CUL4A: variants seen among roughly 807,000 people sequenced by gnomAD.
CUL4A encodes the protein cullin-4A.
A neutral mutation model predicts 95.5 loss-of-function variants in CUL4A; 16 were observed. The observed-to-expected ratio is 0.17, with a 90% CI of 0.11 to 0.25. CUL4A has a LOEUF of 0.25. Ranked by LOEUF, CUL4A falls within the 10% of genes least tolerant of loss-of-function variation. The pLI is 1.00. For missense variants in CUL4A, 610 were observed against 937.0 expected (o/e 0.65, Z 4.56); for synonymous variants, 380 against 353.1 (o/e 1.08, Z -0.85).
chr13:113,220,673 C>T (rs7322352), intron 3 of CUL4A, among the ~76,000 whole-genome samples: 2,524 of 152,238 alleles, frequency 0.017, 66 homozygotes, highest in African/African-American at 0.057. Context: ...TACTTGAAAA[C>T]GACTATCTGA....
At chr13:113,242,739 T>C (rs1272803535) in intron 10 of CUL4A, among the ~76,000 whole-genome samples, 1 of 152,154 alleles carries the variant, frequency 6.6e-6, no homozygotes, top group East Asian at 1.9e-4. Context: ...TGAACCGTGA[T>C]TGCACCACCG....
At position 113,260,662 on chromosome 13, in the gene CUL4A, T is replaced by C; in HGVS notation, c.2087T>C (p.Ile696Thr). The change falls in exon 19 of 20, where the codon ATT (isoleucine) becomes ACT (threonine). Residue 696 changes from isoleucine to threonine, a missense_variant. By Grantham distance (89) the Ile-to-Thr change is moderately conservative (BLOSUM62 -1). Around this residue, in one of 10 missense-constraint regions of CUL4A, gnomAD observed 28 missense variants for 86.4 expected, o/e 0.32. Coordinates refer to ENST00000375440, the MANE Select transcript of CUL4A (RefSeq NM_001008895.4). Reference protein sequence around the residue: ...ERVFQDRQYQIDAAIVRIMKM... With the variant: ...ERVFQDRQYQTDAAIVRIMKM... ...GTGTTTCAGGATAGACAATATCAGA[T>C]TGATGCTGCTATCGTCAGAATAATG... 1 of 1,612,448 alleles carries C rather than the reference T, an allele frequency of 6.2e-7. No homozygotes were observed. Among genetic ancestry groups the C allele is most frequent in the Non-Finnish European group, 8.5e-7 (1 of 1,178,846 alleles).
At chr13:113,246,623 A>C (rs1241644815) in intron 15 of CUL4A, among the ~76,000 whole-genome samples, 1 of 152,214 alleles carries the variant, frequency 6.6e-6, no homozygotes, top group Non-Finnish European at 1.5e-5. Flanking sequence ...CCTGATATCA[A>C]GTAAAGATGA....
At position 113,263,852 on chromosome 13, in the gene CUL4A, A is replaced by G; in HGVS notation, c.*270A>G. On this transcript the variant is annotated 3_prime_UTR_variant, in exon 20 of 20. Coordinates refer to ENST00000375440, the MANE Select transcript of CUL4A (RefSeq NM_001008895.4). ...AATAACTTTGAGATTGGACAAGAAG[A>G]TGTTACTAAAGAGAAGTTCCTTTAA... is the stretch of plus-strand genomic sequence containing the variant. 2 of 300,826 alleles carry G rather than the reference A, an allele frequency of 6.6e-6. No individual in the cohort carries two copies. The highest frequency in any genetic ancestry group is 1.4e-4 in the South Asian group (1 of 7,128). The allele number at this position is 300,826 out of a possible 1,614,324, so 18.6% of individuals were successfully genotyped here. A position where few individuals can be genotyped will look rare whatever the true frequency, so the allele number is the denominator to read the frequency against.
At chr13:113,229,651 T>C in intron 5 of CUL4A, 132 bp downstream of exon 5, 1 of 736,070 alleles carries the variant, frequency 1.4e-6, no homozygotes, top group South Asian at 1.7e-5. Context: ...GCCAAAATCA[T>C]TAACGTGAAC....
At position 113,260,702 on chromosome 13, in the gene CUL4A, T is replaced by C. The variant is rs761285158; in HGVS notation, c.2127T>C (p.Thr709=). ...AIVRIMKMRK[T]LGHNLLVSEL... is the part of the protein sequence containing the mutation. ...TCAGAATAATGAAGATGAGAAAGAC[T>C]CTTGGTCATAATCTTCTAGTTTCTG... Residue 709 remains threonine, a synonymous_variant, in exon 19 of 20, where the codon ACT becomes ACC. Coordinates refer to ENST00000375440, the MANE Select transcript of CUL4A (RefSeq NM_001008895.4). 5 of 1,609,470 alleles carry C rather than the reference T, an allele frequency of 3.1e-6. No individual in the cohort carries two copies. The highest frequency in any genetic ancestry group is 4.2e-6 in the Non-Finnish European group (5 of 1,177,552).
At chr13:113,253,406 GA>G (rs1322330054) in intron 16 of CUL4A, among the ~76,000 whole-genome samples, 1 of 151,700 alleles carries the variant, frequency 6.6e-6, no homozygotes, top group African/African-American at 2.4e-5. Flanking sequence ...TTTACCTATT[GA>G]AAAAAAGAGC....
chr13:113,238,024 G>A (rs2041600564), intron 9 of CUL4A, among the ~76,000 whole-genome samples: 1 of 152,200 alleles, frequency 6.6e-6, no homozygotes, highest in Non-Finnish European at 1.5e-5. Context: ...AGAGTCACGG[G>A]TCCAATCTGG....
chr13:113,234,224 C>A (rs1018618227), intron 7 of CUL4A, among the ~76,000 whole-genome samples: 3 of 152,076 alleles, frequency 2.0e-5, no homozygotes, highest in Non-Finnish European at 4.4e-5. Context: ...GCTGTAAGAT[C>A]ATTTCTGAAA....
At chr13:113,235,770 A>G (rs762737499) in intron 8 of CUL4A, among the ~76,000 whole-genome samples, 5 of 152,134 alleles carry the variant, frequency 3.3e-5, no homozygotes, top group African/African-American at 4.8e-5. Context: ...GGAGATCGAG[A>G]CCATCCTGAC....
chr13:113,240,160 C>G (rs560382131), intron 10 of CUL4A, among the ~76,000 whole-genome samples: 25 of 152,334 alleles, frequency 1.6e-4, no homozygotes, highest in African/African-American at 5.1e-4. Flanking sequence ...TCCCTGAAGA[C>G]TAGGGGCTCT....
chr13:113,236,753 C>T (rs2041558499), intron 8 of CUL4A, 70 bp from the exon 9 acceptor site: 4 of 1,005,186 alleles, frequency 4.0e-6, no homozygotes, highest in Non-Finnish European at 6.2e-6. Flanking sequence ...CAAATGCCCC[C>T]ATCTTTTGCA....
Position 113,242,985 on chromosome 13 carries a change from C to G in CUL4A, c.1053C>G (p.Ile351Met). The change falls in exon 11 of 20, where the codon ATC (isoleucine) becomes ATG (methionine). Residue 351 changes from isoleucine (I) to methionine (M), a missense_variant. Physicochemically the swap from Ile to Met is conservative, Grantham distance 10. Coordinates refer to ENST00000375440, the MANE Select transcript of CUL4A (RefSeq NM_001008895.4). ...SEYIKTFGTAIVINPEKDKDM... is the reference protein window; with the variant it reads ...SEYIKTFGTAMVINPEKDKDM... ...TTTTGTAGACTTTTGGAACAGCGAT[C>G]GTAATCAATCCTGAGAAAGACAAAG... The G allele has an allele frequency of 1.2e-6, 2 of 1,606,742 alleles. No individual in the cohort carries two copies. The highest frequency in any genetic ancestry group is 2.2e-5 in the South Asian group (2 of 90,650).
At chr13:113,244,693 T>C (rs543063936) in intron 12 of CUL4A, among the ~76,000 whole-genome samples, 179 bp downstream of exon 12, 1 of 152,208 alleles carries the variant, frequency 6.6e-6, no homozygotes, top group Admixed American at 6.5e-5. Context: ...TACAAAACAT[T>C]AGCCAGGCGT....
At chr13:113,249,292 G>C (rs1036916351) in intron 15 of CUL4A, among the ~76,000 whole-genome samples, 3 of 142,254 alleles carry the variant, frequency 2.1e-5, no homozygotes, top group Admixed American at 7.0e-5. Context: ...TACCATACAT[G>C]AGCGCTTTAT....
At chr13:113,247,515 C>T (rs540129951) in intron 15 of CUL4A, among the ~76,000 whole-genome samples, 14 of 152,242 alleles carry the variant, frequency 9.2e-5, no homozygotes, top group African/African-American at 2.4e-4. Context: ...TGGGAAGCAT[C>T]GAGTAGTATC....
At position 113,217,735 on chromosome 13, in the gene CUL4A, A is replaced by G. The variant is rs149717883; in HGVS notation, c.265-1210A>G. ...TTTATCTAAAGTGTTTTTATTCTGT[A>G]TATCCCCACATTTTTCGAACCCCAC... On this transcript the variant is annotated intron_variant, in intron 2 of 19. Transcript: ENST00000375440. 8.9e-4 allele frequency among the ~76,000 whole-genome samples: 135 copies of G among 152,322 alleles called. 1 individual carries two copies. The highest frequency in any genetic ancestry group is 3.1e-3 in the African/African-American group (130 of 41,562).
intron 3 of CUL4A, among the ~76,000 whole-genome samples, chr13:113,223,369 A>G (rs570712725): frequency 7.2e-5 from 11 of 152,176 alleles, no homozygotes; most frequent in African/African-American, 2.4e-4. Flanking sequence ...AAGTAACTCT[A>G]CTTTCTAAGA....
At position 113,259,388 on chromosome 13, in the gene CUL4A, A is replaced by T. The variant is rs559476200; in HGVS notation, c.2032-1219A>T. 2.4e-4 allele frequency among the ~76,000 whole-genome samples: 36 copies of T among 152,190 alleles called. 1 individual carries two copies. Among genetic ancestry groups the T allele is most frequent in the African/African-American group, 8.7e-4 (36 of 41,448 alleles). On this transcript the variant is annotated intron_variant, in intron 18 of 19. Transcript: ENST00000375440. ...CCTGAAGCATACTTGCCTCATATGT[A>T]TGCACAGACCTTCCCCCAGCCCTCA...
Sources: allele counts gnomAD v4.1 joint callset (sites outside exome capture counted in the v4.1 genomes callset), GRCh38; gene constraint gnomAD v4.1.1; regional missense constraint gnomAD v4.1.1; transcripts MANE v1.5; gene names NCBI Gene and HGNC (gene_info 2026-07-23, HGNC 2026-07-21).